Variants in ITPR2 observed in about 807,000 individuals in gnomAD.
ITPR2 encodes the protein inositol 1,4,5-trisphosphate-gated calcium channel ITPR2.
In ITPR2, 207 loss-of-function variants were observed where a neutral mutation model predicts 317.1. That is an observed-to-expected ratio of 0.65 (90% CI 0.58 to 0.73). The LOEUF is 0.73. ITPR2 is among the 30% of genes least tolerant of loss of function. ITPR2 has a pLI of 0.00. For synonymous variants in ITPR2, 1,156 were observed against 1,149.1 expected (o/e 1.01, Z -0.12); for missense variants, 2,613 against 3,284.0 (o/e 0.80, Z 4.99).
At chr12:26,737,402 C>T (rs1002286670) in intron 2 of ITPR2, among the ~76,000 whole-genome samples, 14 of 151,990 alleles carry the variant, frequency 9.2e-5, no homozygotes, top group African/African-American at 2.7e-4. Flanking sequence ...ATTACAGGCA[C>T]GCCCTACGAC....
intron 26 of ITPR2, among the ~76,000 whole-genome samples, chr12:26,609,299 CT>C (rs1946210166): frequency 6.6e-6 from 1 of 152,176 alleles, no homozygotes; most frequent in South Asian, 2.1e-4. Flanking sequence ...TCACTAACAA[CT>C]TGTATTGAAT....
chr12:26,369,183 T>C (rs1286355357), intron 55 of ITPR2, among the ~76,000 whole-genome samples: 1 of 152,198 alleles, frequency 6.6e-6, no homozygotes, highest in African/African-American at 2.4e-5. Context: ...GTGCCAGAGC[T>C]TGTAGGACTG....
intron 1 of ITPR2, among the ~76,000 whole-genome samples, chr12:26,822,429 T>C (rs889084766): frequency 6.6e-6 from 1 of 152,182 alleles, no homozygotes; most frequent in Non-Finnish European, 1.5e-5. Context: ...AAGGGTACTC[T>C]ATACCAAGTG....
intron 2 of ITPR2, among the ~76,000 whole-genome samples, chr12:26,761,573 C>T (rs370423008): frequency 1.3e-5 from 2 of 152,142 alleles, no homozygotes; most frequent in African/African-American, 2.4e-5. Context: ...GTGAGAGAAT[C>T]GCTTGAGGCC....
At chr12:26,446,222 CT>C (rs1941607102) in intron 45 of ITPR2, among the ~76,000 whole-genome samples, 1 of 152,038 alleles carries the variant, frequency 6.6e-6, no homozygotes, top group African/African-American at 2.4e-5. Flanking sequence ...GCCAGGAAGC[CT>C]TAAGGGTCTC....
intron 21 of ITPR2, among the ~76,000 whole-genome samples, chr12:26,642,881 T>C (rs1177198218): frequency 6.6e-6 from 1 of 152,020 alleles, no homozygotes; most frequent in Non-Finnish European, 1.5e-5. Flanking sequence ...GAAGTGAAGG[T>C]CTACTCCCCA....
intron 1 of ITPR2, among the ~76,000 whole-genome samples, chr12:26,802,078 T>G (rs1020866161): frequency 1.3e-5 from 2 of 152,066 alleles, no homozygotes; most frequent in African/African-American, 4.8e-5. Flanking sequence ...GGTGAGAGGA[T>G]CACTTGAGGC....
chr12:26,820,290 T>C (rs1565788994), intron 1 of ITPR2, among the ~76,000 whole-genome samples: 1 of 152,164 alleles, frequency 6.6e-6, no homozygotes, highest in Non-Finnish European at 1.5e-5. Context: ...TTATATTGAC[T>C]TTTTTCCAGA....
intron 55 of ITPR2, among the ~76,000 whole-genome samples, chr12:26,347,984 T>C (rs1938360005): frequency 6.6e-6 from 1 of 152,242 alleles, no homozygotes; most frequent in South Asian, 2.1e-4. Flanking sequence ...TTGATGGCTA[T>C]GCTTAGAATG....
intron 55 of ITPR2, among the ~76,000 whole-genome samples, chr12:26,342,795 G>A (rs1389037618): frequency 1.3e-5 from 2 of 152,010 alleles, no homozygotes; most frequent in Non-Finnish European, 2.9e-5. Context: ...TTTTAGTAGA[G>A]ATGGGGTTTC....
At chr12:26,801,780 T>A (rs1565776812) in intron 1 of ITPR2, among the ~76,000 whole-genome samples, 3 of 152,172 alleles carry the variant, frequency 2.0e-5, no homozygotes, top group Non-Finnish European at 4.4e-5. Context: ...TCTTTGCCAG[T>A]TACTCACTGT....
intron 51 of ITPR2, among the ~76,000 whole-genome samples, chr12:26,412,976 C>T (rs1418499966): frequency 6.6e-6 from 1 of 152,052 alleles, no homozygotes; most frequent in Non-Finnish European, 1.5e-5. Context: ...GGTGGGGAAG[C>T]CACATAGGTG....
intron 32 of ITPR2, among the ~76,000 whole-genome samples, chr12:26,589,786 C>CAAAAA (rs1157498435): frequency 2.8e-5 from 1 of 36,206 alleles, no homozygotes; most frequent in Admixed American, 2.6e-4. Context: ...AACTCTGTTT[C>CAAAAA]AAAAAAAAAA....
intron 55 of ITPR2, among the ~76,000 whole-genome samples, chr12:26,350,387 G>A (rs1331786153): frequency 1.3e-5 from 2 of 152,074 alleles, no homozygotes; most frequent in Non-Finnish European, 2.9e-5. Flanking sequence ...TTCTGCAGCG[G>A]GCATCCTGGG....
At chr12:26,756,866 G>A (rs868038682) in intron 2 of ITPR2, among the ~76,000 whole-genome samples, 1 of 152,192 alleles carries the variant, frequency 6.6e-6, no homozygotes, top group African/African-American at 2.4e-5. Context: ...CTATTGGGCT[G>A]CATACCCAGA....
chr12:26,338,610 C>A lies in ITPR2; in HGVS notation c.*787G>T, dbSNP rs1231234561. The A allele has an allele frequency of 1.3e-5, 2 of 152,128 alleles. No individual in the cohort carries two copies. The highest frequency in any genetic ancestry group is 4.8e-5 in the African/African-American group (2 of 41,430). The allele number at this position is 152,128 out of a possible 1,614,324, so 9.4% of individuals were successfully genotyped here. A position where few individuals can be genotyped will look rare whatever the true frequency, so the allele number is the denominator to read the frequency against. ...ACATATGGTCTCAAAAAACCCTTTC[C>A]TGGGGCTTACTGTTGGCTTTTTATT... On this transcript the variant is annotated 3_prime_UTR_variant, in exon 57 of 57. Transcript: ENST00000381340.
chr12:26,409,881 G>A (rs1018160867), intron 52 of ITPR2, among the ~76,000 whole-genome samples: 4 of 152,220 alleles, frequency 2.6e-5, no homozygotes, highest in East Asian at 1.9e-4. Context: ...TGGGATTATG[G>A]GCTGGCAGAA....
At chr12:26,566,154 G>A (rs1944976558) in intron 34 of ITPR2, among the ~76,000 whole-genome samples, 1 of 133,492 alleles carries the variant, frequency 7.5e-6, no homozygotes, top group African/African-American at 2.8e-5. Context: ...GAAAGGAGAA[G>A]GAGAGGAAAG....
At chr12:26,490,064 TA>T (rs1942762480) in intron 39 of ITPR2, among the ~76,000 whole-genome samples, 2 of 152,218 alleles carry the variant, frequency 1.3e-5, no homozygotes, top group South Asian at 4.1e-4. Context: ...TAATCCATCT[TA>T]AAAGAAGGTT....
Sources: allele counts gnomAD v4.1 joint callset (sites outside exome capture counted in the v4.1 genomes callset), GRCh38; gene constraint gnomAD v4.1.1; transcripts MANE v1.5; gene names NCBI Gene and HGNC (gene_info 2026-07-23, HGNC 2026-07-21).